Variants in PPP2R5C observed in about 807,000 individuals in gnomAD.
PPP2R5C encodes the protein protein phosphatase 2 regulatory subunit B'gamma.
In PPP2R5C, 7 loss-of-function variants were observed where a neutral mutation model predicts 68.9. The ratio of observed to expected loss-of-function variants is 0.10; its 90% CI spans 0.06 to 0.19. PPP2R5C has a LOEUF of 0.19. Ranked by LOEUF, PPP2R5C falls within the 10% of genes least tolerant of loss-of-function variation. PPP2R5C has a pLI of 1.00. For synonymous variants in PPP2R5C, 210 were observed against 222.2 expected (o/e 0.95, Z 0.49); for missense variants, 348 against 641.3 (o/e 0.54, Z 4.94).
intron 13 of PPP2R5C, among the ~76,000 whole-genome samples, chr14:101,924,287 ATTT>A (rs1186545144): frequency 1.3e-5 from 2 of 151,256 alleles, no homozygotes; most frequent in African/African-American, 2.4e-5. Context: ...GATTCACTTA[ATTT>A]TTTTTTAAGT....
At chr14:101,834,423 G>T (rs555884911) in intron 1 of PPP2R5C, among the ~76,000 whole-genome samples, 2 of 152,328 alleles carry the variant, frequency 1.3e-5, no homozygotes, top group African/African-American at 4.8e-5. Flanking sequence ...CCTTGATGTG[G>T]CGTCTCAGTA....
At chr14:101,889,852 A>T in intron 5 of PPP2R5C, 1 of 392,630 alleles carries the variant, frequency 2.5e-6, no homozygotes, top group South Asian at 1.9e-5. Flanking sequence ...AAAACGTAAG[A>T]TGGATTAATG....
At chr14:101,826,159 C>A (rs1295418488) in intron 1 of PPP2R5C, among the ~76,000 whole-genome samples, 1 of 151,662 alleles carries the variant, frequency 6.6e-6, no homozygotes, top group Non-Finnish European at 1.5e-5. Context: ...TAGAGGAAGA[C>A]CAGTTTATCT....
At chr14:101,863,539 G>A (rs993663063) in intron 2 of PPP2R5C, among the ~76,000 whole-genome samples, 46 of 152,256 alleles carry the variant, frequency 3.0e-4, no homozygotes, top group African/African-American at 1.1e-3. Flanking sequence ...AAGTTTCAGA[G>A]CTACTTTTCT....
chr14:101,850,790 T>C lies in PPP2R5C; in HGVS notation c.95-5896T>C, dbSNP rs781369329. 8.9e-4 allele frequency among the ~76,000 whole-genome samples: 136 copies of C among 152,166 alleles called. 1 individual carries two copies. The highest frequency in any genetic ancestry group is 9.8e-4 in the Non-Finnish European group (67 of 68,036). On this transcript the variant is annotated intron_variant, in intron 1 of 13. Transcript: ENST00000334743. The stretch of plus-strand genomic sequence containing the variant: ...AATGGTCATTTCAAAAAGTGGCATG[T>C]GAATATTATCTTTAAAAACAAAATA...
chr14:101,827,895 A>G (rs990979412), intron 1 of PPP2R5C, among the ~76,000 whole-genome samples: 66 of 152,296 alleles, frequency 4.3e-4, no homozygotes, highest in African/African-American at 1.6e-3. Context: ...CTTGTTCCCT[A>G]TAACCTCATA....
At chr14:101,829,262 G>A (rs2040587932) in intron 1 of PPP2R5C, among the ~76,000 whole-genome samples, 1 of 152,106 alleles carries the variant, frequency 6.6e-6, no homozygotes, top group Non-Finnish European at 1.5e-5. Flanking sequence ...AAAAGAAAAA[G>A]CATCCTGTAT....
chr14:101,846,823 C>A (rs769942070), intron 1 of PPP2R5C, among the ~76,000 whole-genome samples: 2 of 152,166 alleles, frequency 1.3e-5, no homozygotes, highest in Non-Finnish European at 2.9e-5. Flanking sequence ...TTTCAGTTCA[C>A]CCATGTCTCT....
At chr14:101,841,732 G>A (rs565846492) in intron 1 of PPP2R5C, among the ~76,000 whole-genome samples, 12 of 152,220 alleles carry the variant, frequency 7.9e-5, no homozygotes, top group Non-Finnish European at 1.8e-4. Flanking sequence ...GGAGGCAGGG[G>A]AGGGGAGCAC....
chr14:101,894,379 C>A, intron 7 of PPP2R5C, 128 bp from the exon 10 acceptor site: 2 of 736,372 alleles, frequency 2.7e-6, no homozygotes, highest in Non-Finnish European at 4.6e-6. Context: ...CCGTTAATCA[C>A]ACAAGGGCTT....
chr14:101,914,236 T>G, intron 12 of PPP2R5C: 1 of 455,670 alleles, frequency 2.2e-6, no homozygotes, highest in South Asian at 1.6e-5. Flanking sequence ...TAGCCCTGCC[T>G]TGTCCTCATG....
At chr14:101,909,660 G>A (rs754879172) in exon 11 of PPP2R5C, 1 of 1,607,310 alleles carries the variant, frequency 6.2e-7, no homozygotes, top group Non-Finnish European at 8.5e-7. Context: ...TTTGATGACT[G>A]TACACAACAG....
chr14:101,761,723 C>T (rs899995501), upstream of PPP2R5C: 39 of 937,176 alleles, frequency 4.2e-5, no homozygotes, highest in African/African-American at 6.2e-4. Flanking sequence ...CCGTGGCTGC[C>T]GCAGCCTCTG....
At chr14:101,905,118 C>A (rs2045948695) in intron 9 of PPP2R5C, among the ~76,000 whole-genome samples, 1 of 152,198 alleles carries the variant, frequency 6.6e-6, no homozygotes, top group Non-Finnish European at 1.5e-5. Context: ...CTTTGGGAGG[C>A]CAAGGCGGGT....
chr14:101,826,788 C>G (rs1325783362), intron 1 of PPP2R5C, among the ~76,000 whole-genome samples: 4 of 152,048 alleles, frequency 2.6e-5, no homozygotes, highest in Non-Finnish European at 5.9e-5. Context: ...CTGGAATCTG[C>G]CCAGTAGCTG....
intron 2 of PPP2R5C, among the ~76,000 whole-genome samples, chr14:101,773,953 C>T (rs1368099056): frequency 2.0e-5 from 3 of 152,216 alleles, no homozygotes; most frequent in Non-Finnish European, 4.4e-5. Context: ...CCTCGGCCTT[C>T]CGAAGTGCTG....
chr14:101,841,450 C>T (rs563478286), intron 1 of PPP2R5C, among the ~76,000 whole-genome samples: 28 of 152,114 alleles, frequency 1.8e-4, no homozygotes, highest in Non-Finnish European at 3.5e-4. Context: ...GTGGAGGTTT[C>T]CCCAAATGCC....
At chr14:101,820,620 C>T (rs1210449875) in intron 1 of PPP2R5C, 1 of 152,212 alleles carries the variant, frequency 6.6e-6, no homozygotes, top group African/African-American at 2.4e-5. Context: ...CCTCCCTTTT[C>T]CCACCAGACG....
At chr14:101,793,009 C>G (rs935520247) in intron 3 of PPP2R5C, among the ~76,000 whole-genome samples, 1 of 152,030 alleles carries the variant, frequency 6.6e-6, no homozygotes, top group African/African-American at 2.4e-5. Flanking sequence ...TCCCAAGTAG[C>G]TAGGATTACA....
Sources: gnomAD v4.1 joint callset for allele counts (sites outside exome capture counted in the v4.1 genomes callset) on GRCh38, gnomAD v4.1.1 for gene constraint, MANE v1.5 for transcripts, NCBI Gene and HGNC (gene_info 2026-07-23, HGNC 2026-07-21) for gene names.